Variants in KCNB2 observed in about 807,000 individuals in gnomAD.
KCNB2 encodes potassium voltage-gated channel subfamily B member 2, also known as delayed rectifier potassium channel protein.
Under a neutral mutation model 61.5 loss-of-function variants are expected in KCNB2, and 15 were observed. The observed-to-expected ratio is 0.24, with a 90% CI of 0.16 to 0.38. The LOEUF is 0.38. Ranked by LOEUF, KCNB2 falls within the 10% of genes least tolerant of loss-of-function variation. The pLI is 1.00. For missense variants in KCNB2, 828 were observed against 1,125.2 expected (o/e 0.74, Z 3.78); for synonymous variants, 457 against 446.0 (o/e 1.02, Z -0.31).
chr8:72,934,424 A>T (rs1277114899), intron 2 of KCNB2, among the ~76,000 whole-genome samples: 1 of 149,678 alleles, frequency 6.7e-6, no homozygotes, highest in Non-Finnish European at 1.5e-5. Flanking sequence ...AGTAAAGGAG[A>T]CATAAGAGGA....
At chr8:72,883,495 A>G (rs1805750937) in intron 2 of KCNB2, among the ~76,000 whole-genome samples, 1 of 152,244 alleles carries the variant, frequency 6.6e-6, no homozygotes, top group African/African-American at 2.4e-5. Flanking sequence ...TCAATTTATT[A>G]GGAGTTATTC....
chr8:72,639,995 G>T lies in KCNB2; in HGVS notation c.579+71682G>T, dbSNP rs372809362. ...ACTGGGTGCGTGTCAGTATGTCATG[G>T]TTTTTTTTTTTTACTGTCTTTTCAG... On this transcript the variant is annotated intron_variant, in intron 2 of 2. Transcript: ENST00000523207. Among the ~76,000 whole-genome samples, 245 of 145,780 alleles carry T rather than the reference G, an allele frequency of 1.7e-3. 2 individuals are homozygous for T. The highest frequency in any genetic ancestry group is 5.7e-3 in the African/African-American group (227 of 40,036).
intron 2 of KCNB2, among the ~76,000 whole-genome samples, chr8:72,719,611 G>A (rs988381200): frequency 2.0e-5 from 3 of 151,930 alleles, no homozygotes; most frequent in Non-Finnish European, 2.9e-5. Context: ...CATTATAAAT[G>A]TCCTCCTATT....
At chr8:72,913,859 C>T (rs538294589) in intron 2 of KCNB2, among the ~76,000 whole-genome samples, 98 of 152,280 alleles carry the variant, frequency 6.4e-4, no homozygotes, top group African/African-American at 2.3e-3. Context: ...TTTGAATTCT[C>T]TCTTGTGACA....
chr8:72,775,856 A>T (rs1808640649), intron 2 of KCNB2, among the ~76,000 whole-genome samples: 1 of 152,174 alleles, frequency 6.6e-6, no homozygotes, highest in Admixed American at 6.5e-5. Context: ...TTCCTCAAGG[A>T]TCTAGAACTG....
chr8:72,865,707 A>G (rs748609749), intron 2 of KCNB2, among the ~76,000 whole-genome samples: 1 of 152,234 alleles, frequency 6.6e-6, no homozygotes. Flanking sequence ...AAACTCTTTC[A>G]TGCCTTCTGT....
chr8:72,753,544 A>T lies in KCNB2; in HGVS notation c.580-182391A>T, dbSNP rs183517470. Among the ~76,000 whole-genome samples, 84 of 152,308 alleles carry T rather than the reference A, an allele frequency of 5.5e-4. 1 individual carries two copies. The highest frequency in any genetic ancestry group is 1.8e-4 in the Non-Finnish European group (12 of 68,010). ...GAATGCTATAGGAACCTGGAAGAAGAGGATGTAACCAATTGAGTAGCTTGT... is the reference window on the plus strand; with the variant it reads ...GAATGCTATAGGAACCTGGAAGAAGTGGATGTAACCAATTGAGTAGCTTGT... On this transcript the variant is annotated intron_variant, in intron 2 of 2. Transcript: ENST00000523207.
intron 2 of KCNB2, among the ~76,000 whole-genome samples, chr8:72,763,017 GT>G (rs1808407294): frequency 7.0e-6 from 1 of 143,332 alleles, no homozygotes; most frequent in Non-Finnish European, 1.5e-5. Flanking sequence ...TTTGAATTAA[GT>G]TATCTTCAAC....
intron 2 of KCNB2, among the ~76,000 whole-genome samples, chr8:72,752,004 G>A (rs965959473): frequency 2.6e-5 from 4 of 152,178 alleles, no homozygotes; most frequent in Non-Finnish European, 5.9e-5. Flanking sequence ...GAAGGAGATG[G>A]ATGCAAGAAA....
In KCNB2 at chr8:72,922,572, T is replaced by A. The variant is rs1806545044; in HGVS notation, c.580-13363T>A. Among the ~76,000 whole-genome samples, 3 of 152,228 alleles carry A rather than the reference T, an allele frequency of 2.0e-5. No homozygotes were observed. The South Asian group carries it at 6.2e-4, about 31-fold the overall frequency. On this transcript the variant is annotated intron_variant, in intron 2 of 2. Transcript: ENST00000523207. ...GGAGCATCACTGATGTGTCCTCACA[T>A]GGTGGAAAAGGCAGGAATGCTCTCT...
intron 2 of KCNB2, among the ~76,000 whole-genome samples, chr8:72,624,853 A>T (rs1405099733): frequency 1.3e-5 from 2 of 152,174 alleles, no homozygotes; most frequent in Non-Finnish European, 2.9e-5. Context: ...GCTGGCTTTG[A>T]AGATGCCAGC....
At position 72,542,701 on chromosome 8, in the gene KCNB2, C is replaced by T. The variant is rs531730080; in HGVS notation, c.-94+4816C>T. On this transcript the variant is annotated intron_variant, in intron 1 of 2. Transcript: ENST00000523207. Reference sequence around the variant, plus strand: ...AGAAAATGGAGAGGGTATTTGTACACAAGTAACTGACATCTGGCAGAATGA... The same window carrying T: ...AGAAAATGGAGAGGGTATTTGTACATAAGTAACTGACATCTGGCAGAATGA... 1.3e-4 allele frequency among the ~76,000 whole-genome samples: 20 copies of T among 152,150 alleles called. No homozygotes were observed. The South Asian group carries it at 4.1e-3, about 32-fold the overall frequency.
chr8:72,682,761 C>T (rs1806781974), intron 2 of KCNB2, among the ~76,000 whole-genome samples: 1 of 152,040 alleles, frequency 6.6e-6, no homozygotes, highest in Non-Finnish European at 1.5e-5. Context: ...CCCCAGCTAA[C>T]TTTTATTTTT....
At chr8:72,933,226 A>C (rs771693073) in intron 2 of KCNB2, among the ~76,000 whole-genome samples, 1 of 152,250 alleles carries the variant, frequency 6.6e-6, no homozygotes, top group South Asian at 2.1e-4. Flanking sequence ...GGTCAACTAG[A>C]CAATAGACTA....
intron 2 of KCNB2, among the ~76,000 whole-genome samples, chr8:72,592,281 AGAGT>A (rs981217448): frequency 1.2e-4 from 19 of 152,348 alleles, no homozygotes; most frequent in African/African-American, 4.6e-4. Flanking sequence ...TAAATATAGT[AGAGT>A]AAGTGCTTGC....
chr8:72,833,852 G>A (rs1471106203), intron 2 of KCNB2, among the ~76,000 whole-genome samples: 1 of 152,184 alleles, frequency 6.6e-6, no homozygotes, highest in Admixed American at 6.5e-5. Flanking sequence ...GAAGGCAGAA[G>A]AAGACAGCAT....
chr8:72,813,047 A>C (rs971801833), intron 2 of KCNB2, among the ~76,000 whole-genome samples: 2 of 152,200 alleles, frequency 1.3e-5, no homozygotes, highest in African/African-American at 4.8e-5. Flanking sequence ...TGGTTGCTAG[A>C]GATACAGAGA....
At chr8:72,731,742 A>G (rs775208759) in intron 2 of KCNB2, among the ~76,000 whole-genome samples, 1 of 152,252 alleles carries the variant, frequency 6.6e-6, no homozygotes, top group Non-Finnish European at 1.5e-5. Flanking sequence ...GGAGAGAAAA[A>G]CAGATCATAA....
intron 2 of KCNB2, among the ~76,000 whole-genome samples, chr8:72,691,596 A>G (rs953823496): frequency 6.6e-6 from 1 of 152,200 alleles, no homozygotes; most frequent in African/African-American, 2.4e-5. Context: ...AACTTACTAA[A>G]AATTTGATAT....
Sources: gnomAD v4.1 joint callset for allele counts (sites outside exome capture counted in the v4.1 genomes callset) on GRCh38, gnomAD v4.1.1 for gene constraint, MANE v1.5 for transcripts, NCBI Gene and HGNC (gene_info 2026-07-23, HGNC 2026-07-21) for gene names.